The following ZNF417 variants were observed in gnomAD, a reference collection of about 807,000 sequenced individuals.
ZNF417 encodes the protein zinc finger protein 417.
Under a neutral mutation model 7.4 loss-of-function variants are expected in ZNF417, and 5 were observed. The observed-to-expected ratio is 0.68, with a 90% CI of 0.35 to 1.43. The LOEUF is 1.43. Among genes scored for constraint, ZNF417 ranks in the 40% most tolerant of loss-of-function variants. The pLI is 0.04. For missense variants in ZNF417, 437 were observed against 697.3 expected, an observed-to-expected ratio of 0.63 and a Z score of 4.20; for synonymous variants, 147 against 239.1, an observed-to-expected ratio of 0.61 and a Z score of 3.55.
rs774059690 is a variant in ZNF417 at position 57,912,049 on chromosome 19, G to C, written c.163+11C>G. ...TAGCTCAGGTCACAAAGGTGAGCGTGAGCAACTTACCCAGCGAGGATATGA... is the reference window on the plus strand; with the variant it reads ...TAGCTCAGGTCACAAAGGTGAGCGTCAGCAACTTACCCAGCGAGGATATGA... On this transcript the variant is annotated intron_variant, in intron 2 of 2. Coordinates refer to ENST00000312026, the MANE Select transcript of ZNF417 (RefSeq NM_152475.3). The C allele has an allele frequency of 1.1e-5, 17 of 1,557,198 alleles. No homozygotes were observed. In the African/African-American group the frequency reaches 2.3e-4, roughly 21 times the overall value.
At chr19:57,910,489 T>C (rs1276428181) in intron 2 of ZNF417, among the ~76,000 whole-genome samples, 2 of 151,916 alleles carry the variant, frequency 1.3e-5, no homozygotes, top group Non-Finnish European at 2.9e-5. Context: ...GAGGTTTGCA[T>C]TGAGCCATGA....
Position 57,910,049 on chromosome 19 carries a change from ACT to A in ZNF417, c.227_228del (p.Glu76ValfsTer7), listed in dbSNP as rs774674736. The part of the protein sequence containing the change: ...PCKQRISVQR[E>X]SQSRTPRAGV... ...CCTGCCCTAGGAGTCCTGCTCTGAG[ACT>A]CTCTTTGTACAGAAATTCTCTGCTT... On this transcript the variant is annotated frameshift_variant, in exon 3 of 3. Coordinates refer to ENST00000312026, the MANE Select transcript of ZNF417 (RefSeq NM_152475.3). LOFTEE classifies it low-confidence loss of function (END_TRUNC). The A allele has an allele frequency of 8.8e-5, 135 of 1,536,234 alleles. No individual in the cohort carries two copies. Among genetic ancestry groups the A allele is most frequent in the Admixed American group, 2.2e-5 (1 of 46,066 alleles).
intron 1 of ZNF417, among the ~76,000 whole-genome samples, chr19:57,914,161 C>G (rs371515648): frequency 1.2e-4 from 18 of 152,098 alleles, no homozygotes; most frequent in African/African-American, 4.1e-4. Flanking sequence ...TGCCTGATTC[C>G]TCTTTCATGC....
At position 57,908,985 on chromosome 19, in the gene ZNF417, A is replaced by C. The variant is rs1020769380; in HGVS notation, c.1293T>G (p.Thr431=). 6 of 1,613,928 alleles carry C rather than the reference A, an allele frequency of 3.7e-6. No individual in the cohort carries two copies. The African/African-American group carries it at 6.7e-5, about 18-fold the overall frequency. ...SHLTEHQRLH[T]GERPYNCREC... Reference sequence around the variant, plus strand: ...CCCTACAATTGTAAGGTCTTTCCCCAGTGTGAAGTCTCTGGTGTTCAGTGA... The same window carrying C: ...CCCTACAATTGTAAGGTCTTTCCCCCGTGTGAAGTCTCTGGTGTTCAGTGA... The change falls in exon 3 of 3, where the codon ACT becomes ACG. Residue 431 remains threonine, a synonymous_variant. Coordinates refer to ENST00000312026, the MANE Select transcript of ZNF417 (RefSeq NM_152475.3).
rs1018554391 is a variant in ZNF417, at chr19:57,905,799, A to T, written c.*2751T>A. Among the ~76,000 whole-genome samples, 2 of 152,236 alleles carry T rather than the reference A, an allele frequency of 1.3e-5. No homozygotes were observed. Among genetic ancestry groups the T allele is most frequent in the Non-Finnish European group, 2.9e-5 (2 of 68,046 alleles). On this transcript the variant is annotated 3_prime_UTR_variant, in exon 3 of 3. Coordinates refer to ENST00000312026, the MANE Select transcript of ZNF417 (RefSeq NM_152475.3). ...TAATTTCAAACAGGAAAGATGTATGAATCTTTTGTACAAAAAAATTTCAAC... is the reference window on the plus strand; with the variant it reads ...TAATTTCAAACAGGAAAGATGTATGTATCTTTTGTACAAAAAAATTTCAAC...
chr19:57,912,703 G>A (rs1053026840), intron 1 of ZNF417, among the ~76,000 whole-genome samples: 12 of 152,020 alleles, frequency 7.9e-5, no homozygotes, highest in African/African-American at 2.9e-4. Context: ...CCGCCTCCTG[G>A]GTTCAAGTGA....
Position 57,908,953 on chromosome 19 carries a change from C to T in ZNF417, c.1325G>A (p.Gly442Glu), listed in dbSNP as rs2071865154. The T allele has an allele frequency of 3.1e-6, 5 of 1,612,408 alleles. No individual in the cohort carries two copies. The highest frequency in any genetic ancestry group is 3.4e-6 in the Non-Finnish European group (4 of 1,178,668). ...ATGATACTTCCTGTTAAATAATTTC[C>T]CACATTCCCTACAATTGTAAGGTCT... ...GERPYNCREC[G>E]KLFNRKYHLL... The change falls in exon 3 of 3, where the codon GGG becomes GAG. Residue 442 changes from glycine (G) to glutamate (E), a missense_variant. Physicochemically the swap from Gly to Glu is moderately conservative, Grantham distance 98 (BLOSUM62 -2). Around this residue, in one of 5 missense-constraint regions of ZNF417, gnomAD observed 233 missense variants for 235.5 expected, o/e 0.99. Transcript: ENST00000312026.
intron 2 of ZNF417, among the ~76,000 whole-genome samples, chr19:57,910,379 C>A (rs1420761115): frequency 6.6e-6 from 1 of 151,672 alleles, no homozygotes; most frequent in South Asian, 2.1e-4. Context: ...AAACCCATCT[C>A]TACTAAAAAT....
intron 1 of ZNF417, among the ~76,000 whole-genome samples, chr19:57,913,771 G>A (rs2071920038): frequency 6.6e-6 from 1 of 152,050 alleles, no homozygotes; most frequent in East Asian, 1.9e-4. Context: ...CCTCTCAGGT[G>A]TTTAGGAAGC....
Position 57,914,144 on chromosome 19 carries a change from G to A in ZNF417, c.34-1955C>T, listed in dbSNP as rs562789232. 9.2e-5 allele frequency among the ~76,000 whole-genome samples: 14 copies of A among 152,176 alleles called. No individual in the cohort carries two copies. The East Asian group carries it at 1.5e-3, about 17-fold the overall frequency. On this transcript the variant is annotated intron_variant, in intron 1 of 2. Transcript: ENST00000312026. Reference sequence around the variant, plus strand: ...TACAGCTGCTAAGATCAAAAACCTTGGGCTCATGCCTGATTCCTCTTTCAT... The same window carrying A: ...TACAGCTGCTAAGATCAAAAACCTTAGGCTCATGCCTGATTCCTCTTTCAT...
At chr19:57,912,465 G>A (rs2071907568) in intron 1 of ZNF417, among the ~76,000 whole-genome samples, 1 of 152,056 alleles carries the variant, frequency 6.6e-6, no homozygotes, top group Non-Finnish European at 1.5e-5. Context: ...TAAAGCCCAG[G>A]GCAGCTGCCT....
chr19:57,912,325 T>G (rs1308846537), intron 1 of ZNF417, 136 bp from the exon 2 acceptor site: 4 of 1,464,638 alleles, frequency 2.7e-6, no homozygotes, highest in Non-Finnish European at 3.7e-6. Context: ...CACTAGTGCC[T>G]TTGTCTCTTC....
Position 57,916,520 on chromosome 19 carries a change from C to T in ZNF417, c.-109G>A. ...CCTCTCCACCTTCTAGGTTCAGTCACCGCGGTCCCCCCCCAGCACTCAGGG... is the reference window on the plus strand; with the variant it reads ...CCTCTCCACCTTCTAGGTTCAGTCATCGCGGTCCCCCCCCAGCACTCAGGG... On this transcript the variant is annotated 5_prime_UTR_variant, in exon 1 of 3. In the 5' UTR this introduces an upstream ATG that the reference lacks. Transcript: ENST00000312026. 1.3e-6 allele frequency: 2 copies of T among 1,584,050 alleles called. No individual in the cohort carries two copies. The highest frequency in any genetic ancestry group is 1.3e-5 in the African/African-American group (1 of 74,466).
intron 1 of ZNF417, among the ~76,000 whole-genome samples, chr19:57,912,756 G>A (rs1276733072): frequency 3.3e-5 from 5 of 151,762 alleles, no homozygotes; most frequent in African/African-American, 4.8e-5. Context: ...TTACAGCCAC[G>A]CACCACTATA....
At chr19:57,913,599 A>G (rs1419783744) in intron 1 of ZNF417, among the ~76,000 whole-genome samples, 1 of 152,230 alleles carries the variant, frequency 6.6e-6, no homozygotes, top group African/African-American at 2.4e-5. Flanking sequence ...GAATCCAGAC[A>G]GTGATAAATA....
In ZNF417 at chr19:57,906,177, T is replaced by C. The variant is rs2071825275; in HGVS notation, c.*2373A>G. 1.3e-5 allele frequency among the ~76,000 whole-genome samples: 2 copies of C among 152,172 alleles called. No homozygotes were observed. Among genetic ancestry groups the C allele is most frequent in the African/African-American group, 4.8e-5 (2 of 41,454 alleles). ...TACTCTTCAGGGTGTATGGTCATAA[T>C]TTGTTTGAACGAGCCCTTTTAAACT... On this transcript the variant is annotated 3_prime_UTR_variant, in exon 3 of 3. Transcript: ENST00000312026.
intron 2 of ZNF417, 71 bp from the exon 3 acceptor site, chr19:57,910,185 G>A (rs2071888137): frequency 3.3e-6 from 5 of 1,534,528 alleles, no homozygotes; most frequent in Middle Eastern, 1.8e-4. Flanking sequence ...CCACAAGTAC[G>A]TCTCACAAAT....
Position 57,906,352 on chromosome 19 carries a change from A to G in ZNF417, c.*2198T>C, listed in dbSNP as rs1482284285. On this transcript the variant is annotated 3_prime_UTR_variant, in exon 3 of 3. Coordinates refer to ENST00000312026, the MANE Select transcript of ZNF417 (RefSeq NM_152475.3). The stretch of plus-strand genomic sequence containing the variant: ...ATAACATGCTGTAATACAAGGTGAC[A>G]TTTAGGGGCTGAGACTGTTAACATC... 6.6e-6 allele frequency among the ~76,000 whole-genome samples: 1 copy of G among 152,098 alleles called. No homozygotes were observed. Among genetic ancestry groups the G allele is most frequent in the East Asian group, 1.9e-4 (1 of 5,190 alleles).
rs998756391 is a variant in ZNF417, at chr19:57,906,057, C to T, written c.*2493G>A. 6.6e-6 allele frequency among the ~76,000 whole-genome samples: 1 copy of T among 152,048 alleles called. No homozygotes were observed. Among genetic ancestry groups the T allele is most frequent in the Non-Finnish European group, 1.5e-5 (1 of 68,024 alleles). ...CTCAGCTGATTGCAACCTCCATTTC[C>T]GAGGAAGGCTCCTTAATTTCCCAAT... On this transcript the variant is annotated 3_prime_UTR_variant, in exon 3 of 3. Coordinates refer to ENST00000312026, the MANE Select transcript of ZNF417 (RefSeq NM_152475.3).
Sources: gnomAD v4.1 joint callset for allele counts (sites outside exome capture counted in the v4.1 genomes callset) on GRCh38, gnomAD v4.1.1 for gene constraint, gnomAD v4.1.1 regional missense constraint, MANE v1.5 for transcripts, NCBI Gene and HGNC (gene_info 2026-07-23, HGNC 2026-07-21) for gene names.